The following GRID2 variants were observed in gnomAD, a reference collection of about 807,000 sequenced individuals.
GRID2 encodes glutamate receptor ionotropic, delta-2.
GRID2 carries 33 observed loss-of-function variants against 114.8 expected under a neutral mutation model. The ratio of observed to expected loss-of-function variants is 0.29; its 90% CI spans 0.22 to 0.38. The LOEUF is 0.38. Among genes scored for constraint, GRID2 ranks in the 10% least tolerant of loss-of-function variants. The pLI, the probability that GRID2 is intolerant of heterozygous loss-of-function variation, is 1.00. For synonymous variants in GRID2, 505 were observed against 449.9 expected (o/e 1.12, Z -1.55); for missense variants, 1,184 against 1,257.7 (o/e 0.94, Z 0.89).
intron 14 of GRID2, among the ~76,000 whole-genome samples, chr4:93,726,795 T>C (rs1158065359): frequency 2.6e-5 from 4 of 152,160 alleles, no homozygotes; most frequent in South Asian, 4.1e-4. Context: ...TTGTCTGTTA[T>C]TGGTGTATAA....
At chr4:93,128,761 C>A (rs963177462) in intron 4 of GRID2, among the ~76,000 whole-genome samples, 1 of 152,128 alleles carries the variant, frequency 6.6e-6, no homozygotes, top group Non-Finnish European at 1.5e-5. Flanking sequence ...AAATGTTCAT[C>A]CTGGTTCAAA....
At chr4:92,985,516 C>T (rs1356340823) in intron 2 of GRID2, among the ~76,000 whole-genome samples, 1 of 152,118 alleles carries the variant, frequency 6.6e-6, no homozygotes, top group Non-Finnish European at 1.5e-5. Context: ...GGATTACAGG[C>T]GTAAGCCACC....
rs186042792 is a variant in GRID2 at position 92,500,388 on chromosome 4, A to T, written c.89-89743A>T. ...CTATCTACAAAAGTTAAATTCTTTTAAAAAAAAACATATTTTTATTCACAT... is the reference window on the plus strand; with the variant it reads ...CTATCTACAAAAGTTAAATTCTTTTTAAAAAAAACATATTTTTATTCACAT... On this transcript the variant is annotated intron_variant, in intron 1 of 15. Coordinates refer to ENST00000282020, the MANE Select transcript of GRID2 (RefSeq NM_001510.4). Among the ~76,000 whole-genome samples, 334 of 145,516 alleles carry T rather than the reference A, an allele frequency of 2.3e-3. 1 individual carries two copies. The highest frequency in any genetic ancestry group is 3.4e-3 in the Non-Finnish European group (223 of 65,012).
At chr4:92,310,293 T>C (rs1164098028) in intron 1 of GRID2, among the ~76,000 whole-genome samples, 19 of 152,038 alleles carry the variant, frequency 1.2e-4, no homozygotes, top group Non-Finnish European at 2.9e-5. Context: ...GGATGAAATT[T>C]AGGGCAACTT....
chr4:92,825,242 T>A (rs1578245760), intron 2 of GRID2, among the ~76,000 whole-genome samples: 1 of 152,030 alleles, frequency 6.6e-6, no homozygotes, highest in Non-Finnish European at 1.5e-5. Context: ...TAAAAAATCA[T>A]CCTATGAACT....
chr4:93,580,811 C>T (rs569250582), intron 13 of GRID2, among the ~76,000 whole-genome samples: 1 of 141,634 alleles, frequency 7.1e-6, no homozygotes, highest in South Asian at 2.3e-4. Flanking sequence ...CTCAAAACAA[C>T]CCCCCCCAGT....
At chr4:93,361,556 C>G (rs753397230) in intron 8 of GRID2, among the ~76,000 whole-genome samples, 3 of 151,578 alleles carry the variant, frequency 2.0e-5, no homozygotes, top group African/African-American at 4.8e-5. Context: ...AATTTCCTAT[C>G]TGGTCATGCA....
chr4:92,367,017 T>C (rs758882314), intron 1 of GRID2, among the ~76,000 whole-genome samples: 2 of 152,116 alleles, frequency 1.3e-5, no homozygotes, highest in Non-Finnish European at 2.9e-5. Context: ...GAATATTTCT[T>C]GAATTCTTTT....
intron 1 of GRID2, among the ~76,000 whole-genome samples, chr4:92,488,624 C>T (rs1314590808): frequency 1.3e-5 from 2 of 152,104 alleles, no homozygotes; most frequent in African/African-American, 2.4e-5. Flanking sequence ...TAACCAAAAA[C>T]CCTTCTGTCT....
chr4:93,243,923 A>G (rs1747834125), intron 8 of GRID2, among the ~76,000 whole-genome samples: 1 of 151,994 alleles, frequency 6.6e-6, no homozygotes, highest in Non-Finnish European at 1.5e-5. Context: ...ATACCCTTAA[A>G]TTTTGCCCAA....
intron 2 of GRID2, among the ~76,000 whole-genome samples, chr4:92,706,700 G>C (rs1180809852): frequency 6.6e-6 from 1 of 152,064 alleles, no homozygotes; most frequent in African/African-American, 2.4e-5. Context: ...GAGCTCAATA[G>C]GAAAACCTGT....
At chr4:93,568,908 C>T (rs1373262802) in intron 13 of GRID2, among the ~76,000 whole-genome samples, 1 of 152,110 alleles carries the variant, frequency 6.6e-6, no homozygotes, top group Non-Finnish European at 1.5e-5. Flanking sequence ...CACCTGTTAC[C>T]ATTTTTGTGC....
At chr4:93,480,051 A>G (rs1725696749) in intron 11 of GRID2, among the ~76,000 whole-genome samples, 1 of 152,152 alleles carries the variant, frequency 6.6e-6, no homozygotes, top group Non-Finnish European at 1.5e-5. Context: ...GTCAAAAGAA[A>G]ATAAGTCAAA....
intron 2 of GRID2, among the ~76,000 whole-genome samples, chr4:93,029,428 A>C (rs1724183862): frequency 6.6e-6 from 1 of 152,208 alleles, no homozygotes; most frequent in African/African-American, 2.4e-5. Context: ...CTTAAATAAT[A>C]ATTGTTGTTC....
At chr4:92,441,110 A>G (rs1733041570) in intron 1 of GRID2, among the ~76,000 whole-genome samples, 2 of 152,294 alleles carry the variant, frequency 1.3e-5, no homozygotes, top group African/African-American at 4.8e-5. Context: ...CAGAAAGGCT[A>G]CAGGGTGCGG....
intron 2 of GRID2, among the ~76,000 whole-genome samples, chr4:92,616,093 G>A (rs528736633): frequency 6.6e-6 from 1 of 151,698 alleles, no homozygotes; most frequent in South Asian, 2.1e-4. Flanking sequence ...TGTTTGAGTG[G>A]ATTCAAATTA....
chr4:92,764,146 T>C lies in GRID2; in HGVS notation c.244+173860T>C, dbSNP rs113147447. On this transcript the variant is annotated intron_variant, in intron 2 of 15. Coordinates refer to ENST00000282020, the MANE Select transcript of GRID2 (RefSeq NM_001510.4). ...TCTAACCTTTTCTTTGAAGACTTTC[T>C]GGAATGTATGACCGTTCAGCAGCAC... Among the ~76,000 whole-genome samples the C allele has an allele frequency of 1.4e-3, 215 of 152,254 alleles. 1 individual carries two copies. Among genetic ancestry groups the C allele is most frequent in the African/African-American group, 4.8e-3 (200 of 41,536 alleles).
intron 14 of GRID2, among the ~76,000 whole-genome samples, chr4:93,635,236 A>G (rs924682215): frequency 1.3e-5 from 2 of 151,170 alleles, no homozygotes; most frequent in Non-Finnish European, 2.9e-5. Flanking sequence ...AGCTGGTTTC[A>G]TTGTATCCAC....
At chr4:93,583,673 C>A (rs1737222864) in intron 13 of GRID2, among the ~76,000 whole-genome samples, 1 of 152,100 alleles carries the variant, frequency 6.6e-6, no homozygotes, top group Non-Finnish European at 1.5e-5. Flanking sequence ...GGGTCAGAAT[C>A]AGATATAACA....
Sources: gnomAD v4.1 joint callset for allele counts (sites outside exome capture counted in the v4.1 genomes callset) on GRCh38, gnomAD v4.1.1 for gene constraint, MANE v1.5 for transcripts, NCBI Gene and HGNC (gene_info 2026-07-23, HGNC 2026-07-21) for gene names.